Variants in TNPO3 observed in about 807,000 individuals in gnomAD.
TNPO3 encodes the protein transportin-3.
In TNPO3, 65 loss-of-function variants were observed where a neutral mutation model predicts 122.8. The ratio of observed to expected loss-of-function variants is 0.53; its 90% CI spans 0.43 to 0.65. TNPO3 has a LOEUF of 0.65. Ranked by LOEUF, TNPO3 falls within the 30% of genes least tolerant of loss-of-function variation. TNPO3 has a pLI of 0.00. For missense variants in TNPO3, 850 were observed against 1,136.7 expected (o/e 0.75, Z 3.63); for synonymous variants, 372 against 411.2 (o/e 0.90, Z 1.15).
intron 1 of TNPO3, among the ~76,000 whole-genome samples, chr7:129,027,156 T>A (rs1400438802): frequency 6.6e-6 from 1 of 152,184 alleles, no homozygotes; most frequent in Non-Finnish European, 1.5e-5. Flanking sequence ...TAGTTTCATG[T>A]CCATATGCTC....
chr7:129,017,462 C>A (rs1803976669), intron 2 of TNPO3, among the ~76,000 whole-genome samples: 1 of 152,182 alleles, frequency 6.6e-6, no homozygotes, highest in South Asian at 2.1e-4. Context: ...ATTGCCATTT[C>A]CCTTCTCTTT....
chr7:128,977,290 C>T (rs1167651773), intron 16 of TNPO3, among the ~76,000 whole-genome samples: 1 of 152,220 alleles, frequency 6.6e-6, no homozygotes, highest in Non-Finnish European at 1.5e-5. Context: ...TATCCTCCAA[C>T]AGCAAAGGGG....
Position 128,988,128 on chromosome 7 carries a change from C to T in TNPO3, c.1499-1208G>A, listed in dbSNP as rs545962228. 3.3e-5 allele frequency among the ~76,000 whole-genome samples: 5 copies of T among 152,116 alleles called. No individual in the cohort carries two copies. In the East Asian group the frequency reaches 9.7e-4, roughly 29 times the overall value. On this transcript the variant is annotated intron_variant, in intron 11 of 22. Transcript: ENST00000265388. ...TAGCTGGGATTACAGGCATGCGCCA[C>T]CAAGCCCAGCTAATTTTCCTGTATT...
intron 1 of TNPO3, among the ~76,000 whole-genome samples, chr7:129,033,733 C>A (rs938716301): frequency 1.3e-5 from 2 of 151,762 alleles, no homozygotes; most frequent in African/African-American, 4.8e-5. Context: ...GCCAACATGG[C>A]AAAACCCCAT....
At chr7:128,961,164 A>T (rs1797414938) in intron 21 of TNPO3, among the ~76,000 whole-genome samples, 1 of 152,196 alleles carries the variant, frequency 6.6e-6, no homozygotes, top group Non-Finnish European at 1.5e-5. Context: ...GTAATGTCCT[A>T]GGCCGCCTAT....
At chr7:128,975,714 G>A (rs926874367) in intron 17 of TNPO3, 105 bp downstream of exon 17, 21 of 739,684 alleles carry the variant, frequency 2.8e-5, no homozygotes, top group Non-Finnish European at 4.2e-5. Flanking sequence ...ATGCCTGGGG[G>A]AAAACATAAA....
chr7:129,019,413 G>C (rs1164551100), intron 1 of TNPO3, among the ~76,000 whole-genome samples: 1 of 152,132 alleles, frequency 6.6e-6, no homozygotes, highest in Non-Finnish European at 1.5e-5. Context: ...CATAATCCTT[G>C]TGTATCCTTC....
chr7:129,001,019 G>A, intron 6 of TNPO3, 40 bp downstream of exon 6: 1 of 1,599,494 alleles, frequency 6.3e-7, no homozygotes, highest in Non-Finnish European at 8.6e-7. Flanking sequence ...TGACCAGACT[G>A]TAGGTAAACC....
intron 1 of TNPO3, 71 bp from the exon 2 acceptor site, chr7:129,018,228 C>A: frequency 6.9e-7 from 1 of 1,441,214 alleles, no homozygotes; most frequent in Non-Finnish European, 9.4e-7. Flanking sequence ...AACCTCAATA[C>A]TTATATAAAC....
At chr7:128,984,737 A>G (rs1391849346) in intron 12 of TNPO3, among the ~76,000 whole-genome samples, 5 of 152,250 alleles carry the variant, frequency 3.3e-5, no homozygotes, top group African/African-American at 1.2e-4. Context: ...CTGTGAGGTT[A>G]TAAGAGACAT....
chr7:129,053,144 C>A (rs976277845), intron 1 of TNPO3, among the ~76,000 whole-genome samples: 1 of 151,884 alleles, frequency 6.6e-6, no homozygotes, highest in Non-Finnish European at 1.5e-5. Context: ...GCCAACATGG[C>A]GAAACCCCGT....
chr7:128,967,294 G>T lies in TNPO3; in HGVS notation c.2697C>A (p.His899Gln). 1 of 1,611,250 alleles carries T rather than the reference G, an allele frequency of 6.2e-7. No individual in the cohort carries two copies. Among genetic ancestry groups the T allele is most frequent in the Non-Finnish European group, 8.5e-7 (1 of 1,177,396 alleles). Reference protein sequence around the residue: ...TVTHKQLTDFHKQVTSAEECK... With the variant: ...TVTHKQLTDFQKQVTSAEECK... ...GTATCACTCACCTAGTGACTTGCTT[G>T]TGGAAGTCTGTAAGTTGTTTGTGTG... The change falls in exon 21 of 23, where the codon CAC (histidine) becomes CAA (glutamine). Residue 899 changes from histidine (H) to glutamine (Q), a missense_variant. Transcript: ENST00000265388.
chr7:128,960,246 T>C (rs1031445403), intron 21 of TNPO3, among the ~76,000 whole-genome samples: 3 of 152,158 alleles, frequency 2.0e-5, no homozygotes, highest in Non-Finnish European at 4.4e-5. Flanking sequence ...CAGTATACAA[T>C]AATTGATCAT....
chr7:128,954,548 G>A lies in TNPO3; in HGVS notation c.*869C>T, dbSNP rs1001516303. ...TATATCCTGCACTCCCCACCCACCC[G>A]CCCACCCCAGTTTTGGCTCTTCTCT... On this transcript the variant is annotated 3_prime_UTR_variant, in exon 23 of 23. Transcript: ENST00000265388. 1.4e-3 allele frequency: 39 copies of A among 27,872 alleles called. No homozygotes were observed. Among genetic ancestry groups the A allele is most frequent in the African/African-American group, 2.5e-3 (16 of 6,462 alleles). The allele number at this position is 27,872 out of a possible 1,614,324, so 1.7% of individuals were successfully genotyped here.
At chr7:129,000,993 A>G in intron 6 of TNPO3, 66 bp downstream of exon 6, 1 of 1,530,698 alleles carries the variant, frequency 6.5e-7, no homozygotes, top group Non-Finnish European at 9.0e-7. Flanking sequence ...GAATAATAAA[A>G]AGTGACTTAA....
chr7:128,974,672 T>C (rs1013267064), intron 18 of TNPO3, among the ~76,000 whole-genome samples, 196 bp downstream of exon 18: 5 of 152,200 alleles, frequency 3.3e-5, no homozygotes, highest in African/African-American at 4.8e-5. Flanking sequence ...TCAGCTCCTT[T>C]ATCCCTTGCT....
chr7:129,043,251 A>C (rs1006338060), intron 1 of TNPO3, among the ~76,000 whole-genome samples: 2 of 151,766 alleles, frequency 1.3e-5, no homozygotes, highest in African/African-American at 4.8e-5. Context: ...AAAAAAAAAA[A>C]AATTAGCAGG....
At chr7:128,996,182 A>G (rs1311789764) in intron 8 of TNPO3, among the ~76,000 whole-genome samples, 2 of 152,220 alleles carry the variant, frequency 1.3e-5, no homozygotes, top group African/African-American at 4.8e-5. Flanking sequence ...GTCCTAGATT[A>G]AAGGACGGAT....
intron 12 of TNPO3, among the ~76,000 whole-genome samples, chr7:128,986,127 A>C (rs1006779021): frequency 6.6e-6 from 1 of 152,182 alleles, no homozygotes; most frequent in Non-Finnish European, 1.5e-5. Context: ...AATAAATATG[A>C]TCCTTCTTTT....
Sources: gnomAD v4.1 joint callset for allele counts (sites outside exome capture counted in the v4.1 genomes callset) on GRCh38, gnomAD v4.1.1 for gene constraint, MANE v1.5 for transcripts, NCBI Gene and HGNC (gene_info 2026-07-23, HGNC 2026-07-21) for gene names.